The following ACCSL variants were observed in gnomAD, a reference collection of about 807,000 sequenced individuals.
ACCSL encodes the protein 1-aminocyclopropane-1-carboxylate synthase homolog (inactive) like, also known as probable inactive 1-aminocyclopropane-1-carboxylate synthase-like protein 2.
ACCSL carries 55 observed loss-of-function variants against 61.7 expected under a neutral mutation model. The observed-to-expected ratio is 0.89, with a 90% CI of 0.72 to 1.12. The LOEUF (loss-of-function observed/expected upper bound fraction) is 1.12, where lower values mean the gene tolerates loss of function less well. Ranked by LOEUF, ACCSL falls within the 50% of genes most tolerant of loss-of-function variation. ACCSL has a pLI of 0.00. For synonymous variants in ACCSL, 258 were observed against 264.3 expected (o/e 0.98, Z 0.23); for missense variants, 632 against 698.0 (o/e 0.91, Z 1.07).
chr11:43,958,197 C>T, the ACCSL span, among the ~76,000 whole-genome samples: 1 of 152,190 alleles, frequency 6.6e-6, no homozygotes, highest in African/African-American at 2.4e-5. Flanking sequence ...TTCAGGAGGT[C>T]ATAAGATTTG....
the ACCSL span, among the ~76,000 whole-genome samples, chr11:43,950,151 G>A: frequency 2.0e-5 from 3 of 152,264 alleles, no homozygotes; most frequent in East Asian, 1.9e-4. Flanking sequence ...CCTATGACCC[G>A]GAAGCCCCCA....
At chr11:43,947,515 G>C in the ACCSL span, among the ~76,000 whole-genome samples, 2 of 152,310 alleles carry the variant, frequency 1.3e-5, no homozygotes, top group East Asian at 3.9e-4. Flanking sequence ...GAGGAGGGAA[G>C]AGTGGGCAAG....
intron 3 of ACCSL, 43 bp from the exon 4 acceptor site, chr11:44,051,292 A>C: frequency 6.2e-7 from 1 of 1,607,802 alleles, no homozygotes; most frequent in Non-Finnish European, 8.5e-7. Flanking sequence ...TGAGTGAGGA[A>C]AGGGGCCCGG....
At chr11:43,936,441 A>G in the ACCSL span, among the ~76,000 whole-genome samples, 1 of 152,006 alleles carries the variant, frequency 6.6e-6, no homozygotes, top group Admixed American at 6.6e-5. Flanking sequence ...GTACTGTGCT[A>G]GGCGCTTTCC....
At position 44,059,937 on chromosome 11, in the gene ACCSL, C is replaced by CCAG; in HGVS notation, c.*21_*23dup. ...AGGGAGTAGGCCGTCTGCCTCCCAA[C>CCAG]CAGCAGTTCCAGCCCATCACTTGCT... On this transcript the variant is annotated 3_prime_UTR_variant, in exon 14 of 14. Coordinates refer to ENST00000378832, the MANE Select transcript of ACCSL (RefSeq NM_001031854.2). 6.2e-7 allele frequency: 1 copy of CCAG among 1,610,366 alleles called. No homozygotes were observed. The highest frequency in any genetic ancestry group is 8.5e-7 in the Non-Finnish European group (1 of 1,177,074).
the ACCSL span, among the ~76,000 whole-genome samples, chr11:43,954,054 G>C: frequency 1.3e-5 from 2 of 152,106 alleles, no homozygotes; most frequent in African/African-American, 4.8e-5. Context: ...GTGACTTGTC[G>C]TGCAGTTTCT....
At chr11:44,004,885 C>G in the ACCSL span, among the ~76,000 whole-genome samples, 2 of 152,158 alleles carry the variant, frequency 1.3e-5, no homozygotes, top group Admixed American at 1.3e-4. Flanking sequence ...AAGCACTGCT[C>G]TAGGAGTTCT....
the ACCSL span, among the ~76,000 whole-genome samples, chr11:44,007,557 G>T: frequency 6.6e-6 from 1 of 152,120 alleles, no homozygotes; most frequent in Non-Finnish European, 1.5e-5. Context: ...CCACATCCCT[G>T]TTGTCTCATA....
chr11:43,991,903 A>G, the ACCSL span, among the ~76,000 whole-genome samples: 3 of 151,718 alleles, frequency 2.0e-5, no homozygotes, highest in Non-Finnish European at 4.4e-5. Context: ...TCCTCAGACA[A>G]TTTGGTCCCT....
At chr11:43,992,892 C>G in the ACCSL span, among the ~76,000 whole-genome samples, 2 of 152,220 alleles carry the variant, frequency 1.3e-5, no homozygotes, top group African/African-American at 4.8e-5. Context: ...CTTTCCTCCT[C>G]ATAGTAATTT....
the ACCSL span, among the ~76,000 whole-genome samples, chr11:44,034,527 A>C: frequency 2.0e-5 from 3 of 147,728 alleles, no homozygotes; most frequent in African/African-American, 7.6e-5. Context: ...TCATGGTGGA[A>C]GGCAAAAAAT....
the ACCSL span, among the ~76,000 whole-genome samples, chr11:44,015,342 A>G: frequency 5.3e-5 from 8 of 152,362 alleles, no homozygotes; most frequent in South Asian, 1.4e-3. Context: ...AAATCCTTAC[A>G]GGACTTACAC....
At chr11:44,035,516 G>A in the ACCSL span, among the ~76,000 whole-genome samples, 1 of 152,148 alleles carries the variant, frequency 6.6e-6, no homozygotes, top group Non-Finnish European at 1.5e-5. Context: ...TCTACGGTAT[G>A]CTCAGCCACC....
At chr11:43,951,059 A>G in the ACCSL span, among the ~76,000 whole-genome samples, 34,853 of 152,158 alleles carry the variant, frequency 0.23, 4,362 homozygotes, top group South Asian at 0.35. Flanking sequence ...AACCATTTTT[A>G]TGACATTGTG....
At chr11:43,999,083 G>A in the ACCSL span, among the ~76,000 whole-genome samples, 39 of 152,168 alleles carry the variant, frequency 2.6e-4, 2 homozygotes, top group East Asian at 3.5e-3. Context: ...CAGTTTCCTC[G>A]TCTTTCCAAT....
chr11:43,949,612 C>T, the ACCSL span, among the ~76,000 whole-genome samples: 1 of 151,532 alleles, frequency 6.6e-6, no homozygotes. Context: ...GTCAGGAGTT[C>T]GAGACCAGCC....
the ACCSL span, among the ~76,000 whole-genome samples, chr11:43,929,625 T>C: frequency 3.9e-5 from 6 of 152,282 alleles, no homozygotes; most frequent in Admixed American, 2.6e-4. Context: ...CAGGCTGGTC[T>C]AGAACTCCTG....
chr11:44,045,354 C>A (rs182626477), upstream of ACCSL, among the ~76,000 whole-genome samples: 1 of 152,004 alleles, frequency 6.6e-6, no homozygotes, highest in South Asian at 2.1e-4. Context: ...GTGGAAGGAA[C>A]GCTGGAGCCC....
the ACCSL span, among the ~76,000 whole-genome samples, chr11:43,951,966 A>C: frequency 6.6e-6 from 1 of 152,032 alleles, no homozygotes; most frequent in Non-Finnish European, 1.5e-5. Context: ...GTGCCTCTGC[A>C]CTCCAGCCTG....
Sources: allele counts gnomAD v4.1 joint callset (sites outside exome capture counted in the v4.1 genomes callset), GRCh38; gene constraint gnomAD v4.1.1; transcripts MANE v1.5; gene names NCBI Gene and HGNC (gene_info 2026-07-23, HGNC 2026-07-21).